Variants in GSAP observed in about 807,000 individuals in gnomAD.
The protein encoded by GSAP is gamma-secretase activating protein.
A neutral mutation model predicts 131.7 loss-of-function variants in GSAP; 118 were observed. The ratio of observed to expected loss-of-function variants is 0.90; its 90% CI spans 0.77 to 1.04. The LOEUF is 1.04. Among genes scored for constraint, GSAP ranks in the 50% least tolerant of loss-of-function variants. The pLI, the probability that GSAP is intolerant of heterozygous loss-of-function variation, is 0.00. For missense variants in GSAP, 1,019 were observed against 1,013.2 expected, an observed-to-expected ratio of 1.01 and a Z score of -0.08; for synonymous variants, 381 against 363.4, an observed-to-expected ratio of 1.05 and a Z score of -0.55.
chr7:77,352,792 AC>A (rs10714796), intron 18 of GSAP, 151 bp downstream of exon 18: 210,339 of 527,468 alleles, frequency 0.4, 43,823 homozygotes, highest in African/African-American at 0.51. Flanking sequence ...ATTTGCTATT[AC>A]TTTTCTGCCA....
chr7:77,408,014 A>T (rs938002628), intron 1 of GSAP, among the ~76,000 whole-genome samples: 2 of 152,252 alleles, frequency 1.3e-5, no homozygotes, highest in African/African-American at 2.4e-5. Context: ...GTTTCAATTC[A>T]TACACAAGTT....
At chr7:77,351,354 A>T in intron 18 of GSAP, 1 of 956,922 alleles carries the variant, frequency 1.0e-6, no homozygotes. Flanking sequence ...ATCTTAAAAA[A>T]TCCAAGTCAG....
At chr7:77,322,784 T>C (rs1383657057) in intron 24 of GSAP, among the ~76,000 whole-genome samples, 1 of 152,056 alleles carries the variant, frequency 6.6e-6, no homozygotes, top group African/African-American at 2.4e-5. Context: ...AACCTTACTA[T>C]AGAAATTCAA....
At chr7:77,399,864 G>A (rs1801030922) in intron 3 of GSAP, among the ~76,000 whole-genome samples, 2 of 152,228 alleles carry the variant, frequency 1.3e-5, no homozygotes, top group South Asian at 4.1e-4. Context: ...CCTGATGAAT[G>A]ACATACTGGT....
intron 10 of GSAP, among the ~76,000 whole-genome samples, chr7:77,376,557 C>G (rs1306613585): frequency 5.9e-5 from 9 of 151,950 alleles, no homozygotes; most frequent in Admixed American, 5.9e-4. Flanking sequence ...AGGTGGATCA[C>G]GAGGTAAGGA....
At chr7:77,325,446 G>A (rs553493538) in intron 23 of GSAP, among the ~76,000 whole-genome samples, 14 of 152,110 alleles carry the variant, frequency 9.2e-5, no homozygotes, top group Admixed American at 2.0e-4. Context: ...GCTTTTTAAA[G>A]GTTTTGGATT....
At position 77,416,199 on chromosome 7, in the gene GSAP, C is replaced by CGCGCCTCCCGCACCT; in HGVS notation, c.108_109+13dup. 2 of 1,362,708 alleles carry CGCGCCTCCCGCACCT rather than the reference C, an allele frequency of 1.5e-6. No individual in the cohort carries two copies. Among genetic ancestry groups the CGCGCCTCCCGCACCT allele is most frequent in the Non-Finnish European group, 1.9e-6 (2 of 1,035,526 alleles). 84.4% of individuals were successfully genotyped at this position (1,362,708 alleles called of 1,614,324 possible). ...TCCCCGCCCCCACCCCTCTCCGCAG[C>CGCGCCTCCCGCACCT]GCGCCTCCCGCACCTGCGCCGCCGC... On this transcript the variant is annotated intron_variant, in intron 1 of 30. Coordinates refer to ENST00000257626, the MANE Select transcript of GSAP (RefSeq NM_017439.4).
Position 77,377,237 on chromosome 7 carries a change from T to TAAAAA in GSAP, c.681+44_681+48dup, listed in dbSNP as rs533755073. 5.1e-3 allele frequency: 4,556 copies of TAAAAA among 889,016 alleles called. 71 individuals carry two copies. Among genetic ancestry groups the TAAAAA allele is most frequent in the Non-Finnish European group, 5.7e-3 (4,022 of 711,462 alleles). 55.1% of individuals were successfully genotyped at this position (889,016 alleles called of 1,614,324 possible). Reference sequence around the variant, plus strand: ...GTCTCTAAAAAAATTAATATTTTTGTAAAAAAAAAAAAAAAAAAAAAGGAG... The same window carrying TAAAAA: ...GTCTCTAAAAAAATTAATATTTTTGTAAAAAAAAAAAAAAAAAAAAAAAAAAGGAG... On this transcript the variant is annotated intron_variant, in intron 9 of 30. Coordinates refer to ENST00000257626, the MANE Select transcript of GSAP (RefSeq NM_017439.4).
rs773198336 is a variant in GSAP at position 77,381,369 on chromosome 7, CAAAG to C, written c.527-19_527-16del. 1.2e-5 allele frequency: 14 copies of C among 1,168,614 alleles called. No individual in the cohort carries two copies. The highest frequency in any genetic ancestry group is 6.1e-5 in the South Asian group (4 of 65,528). 72.4% of individuals were successfully genotyped at this position (1,168,614 alleles called of 1,614,324 possible). On this transcript the variant is annotated splice_polypyrimidine_tract_variant and intron_variant, in intron 7 of 30. Transcript: ENST00000257626. ...TTGTTCAATATCTTTAAAAGAAAAA[CAAAG>C]AAAGATAATTTAACCTTAAGGAAAT...
At position 77,355,105 on chromosome 7, in the gene GSAP, CAATT is replaced by C. The variant is rs555614044; in HGVS notation, c.1338+104_1338+107del. On this transcript the variant is annotated intron_variant, in intron 16 of 30. Coordinates refer to ENST00000257626, the MANE Select transcript of GSAP (RefSeq NM_017439.4). ...ATGTCAGCAGCAAGGCCACACACCT[CAATT>C]AATTGTTACTAAATAAAAATAACTC... 3.0e-4 allele frequency: 211 copies of C among 711,436 alleles called. No individual in the cohort carries two copies. In the East Asian group the frequency reaches 3.1e-3, roughly 11 times the overall value. 44.1% of individuals were successfully genotyped at this position (711,436 alleles called of 1,614,324 possible).
Position 77,328,592 on chromosome 7 carries a change from A to G in GSAP, c.1765+14T>C. ...ACTGGAACCCAGAAGGCTTTATTAC[A>G]GATCTTTTCTTACCCAAATTTCTTG... On this transcript the variant is annotated intron_variant, in intron 22 of 30. Coordinates refer to ENST00000257626, the MANE Select transcript of GSAP (RefSeq NM_017439.4). 6.2e-7 allele frequency: 1 copy of G among 1,609,848 alleles called. No homozygotes were observed. The highest frequency in any genetic ancestry group is 8.5e-7 in the Non-Finnish European group (1 of 1,178,766).
intron 1 of GSAP, among the ~76,000 whole-genome samples, chr7:77,412,961 C>T (rs776608287): frequency 2.6e-5 from 4 of 152,176 alleles, no homozygotes; most frequent in South Asian, 4.1e-4. Flanking sequence ...TACTTTTAGA[C>T]GTACATTCTA....
At position 77,340,801 on chromosome 7, in the gene GSAP, T is replaced by G. The variant is rs1247822230; in HGVS notation, c.1545+8550A>C. Among the ~76,000 whole-genome samples the G allele has an allele frequency of 2.6e-5, 4 of 152,086 alleles. No individual in the cohort carries two copies. The East Asian group carries it at 7.8e-4, about 30-fold the overall frequency. ...CCACATTCCCTTGGTGGCAAGTCAATTGCGGGGATGCCTGCTTTGGCTGCT... is the reference window on the plus strand; with the variant it reads ...CCACATTCCCTTGGTGGCAAGTCAAGTGCGGGGATGCCTGCTTTGGCTGCT... On this transcript the variant is annotated intron_variant, in intron 19 of 30. Transcript: ENST00000257626.
intron 19 of GSAP, among the ~76,000 whole-genome samples, chr7:77,346,946 C>T (rs1310398201): frequency 1.3e-5 from 2 of 148,466 alleles, no homozygotes; most frequent in East Asian, 2.0e-4. Flanking sequence ...CACCACCCCC[C>T]GCCCCACCCC....
intron 19 of GSAP, among the ~76,000 whole-genome samples, chr7:77,341,914 C>T (rs527997116): frequency 3.8e-4 from 58 of 152,310 alleles, no homozygotes; most frequent in Middle Eastern, 6.8e-3. Context: ...CTTCAAAATG[C>T]CTAAGCCACA....
intron 24 of GSAP, 62 bp from the exon 25 acceptor site, chr7:77,321,465 T>C: frequency 9.7e-7 from 1 of 1,027,336 alleles, no homozygotes; most frequent in Admixed American, 1.7e-5. Context: ...GCCCCACAGC[T>C]AGGCCTCCAC....
Position 77,311,351 on chromosome 7 carries a change from TTC to T in GSAP, c.*5_*6del, listed in dbSNP as rs1562873796. ...TGGCAGCAGCAGATCCAATTGCGTTTTCTTTTTCATAAGCCTAAAAGCATCGC... is the reference window on the plus strand; with the variant it reads ...TGGCAGCAGCAGATCCAATTGCGTTTTTTTTCATAAGCCTAAAAGCATCGC... On this transcript the variant is annotated 3_prime_UTR_variant, in exon 31 of 31. Transcript: ENST00000257626. The T allele has an allele frequency of 8.3e-6, 13 of 1,566,916 alleles. No homozygotes were observed. Among genetic ancestry groups the T allele is most frequent in the Admixed American group, 3.4e-5 (2 of 59,694 alleles).
At chr7:77,415,854 G>T in intron 1 of GSAP, 1 of 220,730 alleles carries the variant, frequency 4.5e-6, no homozygotes, top group South Asian at 1.6e-4. Flanking sequence ...TGAACCCCCC[G>T]GGAGGTGGGA....
intron 19 of GSAP, 88 bp downstream of exon 19, chr7:77,349,263 G>T: frequency 5.8e-6 from 6 of 1,026,182 alleles, no homozygotes; most frequent in East Asian, 2.4e-5. Flanking sequence ...CTGCCAATTT[G>T]CAATCCCTTT....
Sources: allele counts gnomAD v4.1 joint callset (sites outside exome capture counted in the v4.1 genomes callset), GRCh38; gene constraint gnomAD v4.1.1; transcripts MANE v1.5; gene names NCBI Gene and HGNC (gene_info 2026-07-23, HGNC 2026-07-21).